CSGALNACT1: variants seen among roughly 807,000 people sequenced by gnomAD.
CSGALNACT1 encodes the protein beta4GalNAcT-1.
A neutral mutation model predicts 51.0 loss-of-function variants in CSGALNACT1; 52 were observed. The ratio of observed to expected loss-of-function variants is 1.02; its 90% CI spans 0.82 to 1.29. The LOEUF is 1.29. Among genes scored for constraint, CSGALNACT1 ranks in the 50% most tolerant of loss-of-function variants. The probability of loss-of-function intolerance (pLI) is 0.00; values close to 1 mark genes in which losing one functional copy is unlikely to be tolerated. For synonymous variants in CSGALNACT1, 341 were observed against 254.4 expected, an observed-to-expected ratio of 1.34 and a Z score of -3.24; for missense variants, 935 against 679.2, an observed-to-expected ratio of 1.38 and a Z score of -4.19.
chr8:19,476,011 A>AT (rs1165500367), intron 4 of CSGALNACT1, among the ~76,000 whole-genome samples: 1 of 152,188 alleles, frequency 6.6e-6, no homozygotes, highest in Admixed American at 6.5e-5. Context: ...AAGAAAGACA[A>AT]TTGTAATCTT....
intron 1 of CSGALNACT1, among the ~76,000 whole-genome samples, chr8:19,715,498 A>G (rs1052171299): frequency 6.6e-6 from 1 of 152,172 alleles, no homozygotes; most frequent in Non-Finnish European, 1.5e-5. Context: ...CATGGTGTGT[A>G]TGTACCACAT....
At chr8:19,406,161 G>T in intron 9 of CSGALNACT1, 92 bp from the exon 9 acceptor site, 1 of 1,427,040 alleles carries the variant, frequency 7.0e-7, no homozygotes, top group Non-Finnish European at 9.9e-7. Flanking sequence ...ATTAAGACAT[G>T]ACTGGGGGGG....
chr8:19,694,755 C>T (rs2061501868), intron 1 of CSGALNACT1, among the ~76,000 whole-genome samples: 1 of 152,084 alleles, frequency 6.6e-6, no homozygotes, highest in Non-Finnish European at 1.5e-5. Flanking sequence ...CCCAGTCTGC[C>T]CTTAAGGAAA....
At position 19,476,953 on chromosome 8, in the gene CSGALNACT1, C is replaced by T. The variant is rs533839340; in HGVS notation, c.635-18311G>A. ...GCCTGCTGGGGCAGGGACAAGCCAT[C>T]CCCATGTGTCCTTTCTGAATTCCTG... On this transcript the variant is annotated intron_variant, in intron 4 of 9. Coordinates refer to ENST00000454498, the Ensembl canonical transcript of CSGALNACT1. Among the ~76,000 whole-genome samples the T allele has an allele frequency of 2.0e-5, 3 of 152,302 alleles. No homozygotes were observed. In the South Asian group the frequency reaches 6.2e-4, roughly 32 times the overall value.
intron 3 of CSGALNACT1, among the ~76,000 whole-genome samples, chr8:19,571,681 C>A (rs1296296491): frequency 1.3e-5 from 2 of 152,150 alleles, no homozygotes; most frequent in Non-Finnish European, 2.9e-5. Context: ...CAGAGAAAGG[C>A]ATTAGTTTCA....
chr8:19,477,369 C>G (rs193205955), intron 4 of CSGALNACT1, among the ~76,000 whole-genome samples: 2 of 152,168 alleles, frequency 1.3e-5, no homozygotes, highest in Non-Finnish European at 2.9e-5. Flanking sequence ...ACCCCAAAAT[C>G]CCACACAACT....
chr8:19,513,415 A>ACTCT (rs1409555325), intron 3 of CSGALNACT1, among the ~76,000 whole-genome samples: 2,602 of 111,256 alleles, frequency 0.023, 61 homozygotes, highest in African/African-American at 0.046. Flanking sequence ...TCTCTCTCTC[A>ACTCT]CTCTCTCTCT....
At chr8:19,648,394 T>C (rs1471631597) in intron 1 of CSGALNACT1, among the ~76,000 whole-genome samples, 1 of 152,238 alleles carries the variant, frequency 6.6e-6, no homozygotes, top group South Asian at 2.1e-4. Context: ...TTCATCAATA[T>C]ATAAAATTAG....
intron 1 of CSGALNACT1, among the ~76,000 whole-genome samples, chr8:19,648,231 T>A (rs565023657): frequency 6.6e-5 from 10 of 152,338 alleles, no homozygotes; most frequent in Admixed American, 6.5e-4. Flanking sequence ...TTCCAAAGAA[T>A]CTAGCAACAT....
At chr8:19,434,216 CTCT>C (rs772455258) in intron 6 of CSGALNACT1, among the ~76,000 whole-genome samples, 6 of 152,142 alleles carry the variant, frequency 3.9e-5, no homozygotes, top group African/African-American at 7.2e-5. Flanking sequence ...ACTGCTCTGA[CTCT>C]TCTTCTTTTA....
At chr8:19,470,828 G>GT (rs1266015642) in intron 4 of CSGALNACT1, among the ~76,000 whole-genome samples, 2 of 152,168 alleles carry the variant, frequency 1.3e-5, no homozygotes, top group African/African-American at 2.4e-5. Flanking sequence ...GGACGTGGTG[G>GT]TTCACGCCTA....
chr8:19,719,776 T>C (rs754890108), intron 1 of CSGALNACT1, among the ~76,000 whole-genome samples: 1 of 122,168 alleles, frequency 8.2e-6, no homozygotes, highest in Non-Finnish European at 1.7e-5. Flanking sequence ...CTCTTCTTTA[T>C]GAGTAGCACC....
intron 1 of CSGALNACT1, among the ~76,000 whole-genome samples, chr8:19,747,976 TAGGTATATCC>T (rs2064786181): frequency 6.6e-6 from 1 of 152,202 alleles, no homozygotes; most frequent in Admixed American, 6.5e-5. Context: ...TTGGAGGTCA[TAGGTATATCC>T]AAAGAAATAT....
At chr8:19,430,541 G>A (rs1054433409) in intron 6 of CSGALNACT1, among the ~76,000 whole-genome samples, 29 of 152,062 alleles carry the variant, frequency 1.9e-4, no homozygotes, top group Non-Finnish European at 2.9e-4. Context: ...GTTTATTTCC[G>A]AACTCTGCTT....
At chr8:19,567,092 T>A (rs927212122) in intron 3 of CSGALNACT1, among the ~76,000 whole-genome samples, 1 of 152,216 alleles carries the variant, frequency 6.6e-6, no homozygotes, top group Non-Finnish European at 1.5e-5. Flanking sequence ...CTCAGTCACC[T>A]TTAGGGCTAA....
chr8:19,440,813 A>G (rs1365568290), intron 5 of CSGALNACT1, among the ~76,000 whole-genome samples: 2 of 152,084 alleles, frequency 1.3e-5, no homozygotes, highest in Non-Finnish European at 2.9e-5. Flanking sequence ...GTATATCTAG[A>G]AAACCCCATT....
chr8:19,552,337 AG>A (rs1352461765), intron 3 of CSGALNACT1, among the ~76,000 whole-genome samples: 2 of 152,206 alleles, frequency 1.3e-5, no homozygotes, highest in East Asian at 3.8e-4. Flanking sequence ...TTACCAGAAG[AG>A]GGTGTAGAGT....
intron 1 of CSGALNACT1, among the ~76,000 whole-genome samples, chr8:19,741,861 G>A (rs1396585144): frequency 3.3e-5 from 5 of 152,132 alleles, no homozygotes; most frequent in Non-Finnish European, 7.3e-5. Flanking sequence ...TTTCTGGTGT[G>A]CTTATCCCAT....
chr8:19,421,031 C>T (rs1007513356), intron 6 of CSGALNACT1, among the ~76,000 whole-genome samples: 7 of 152,316 alleles, frequency 4.6e-5, no homozygotes, highest in East Asian at 1.9e-4. Context: ...TCCGCATCCT[C>T]GGGTAAAGCA....
Sources: gnomAD v4.1 joint callset for allele counts (sites outside exome capture counted in the v4.1 genomes callset) on GRCh38, gnomAD v4.1.1 for gene constraint, MANE v1.5 for transcripts, NCBI Gene and HGNC (gene_info 2026-07-23, HGNC 2026-07-21) for gene names.